DST: variants seen among roughly 807,000 people sequenced by gnomAD.
DST encodes dystonin.
In DST, 253 loss-of-function variants were observed where a neutral mutation model predicts 875.2. The ratio of observed to expected loss-of-function variants is 0.29; its 90% CI spans 0.26 to 0.32. The LOEUF (loss-of-function observed/expected upper bound fraction) is 0.32. DST is among the 10% of genes least tolerant of loss of function. The probability of loss-of-function intolerance (pLI) is 1.00; values close to 1 mark genes in which losing one functional copy is unlikely to be tolerated. For missense variants in DST, 8,287 were observed against 9,111.6 expected (o/e 0.91, Z 3.68); for synonymous variants, 3,124 against 3,197.1 (o/e 0.98, Z 0.77).
Position 56,598,629 on chromosome 6 carries a change from A to G in DST, c.11775T>C (p.Asn3925=). Residue 3925 remains asparagine, a synonymous_variant, in exon 46 of 104, where the codon AAT becomes AAC. Transcript: ENST00000680361. ...VKNTENFLKE[N]GEKLSQEDKA... ...TATCTTCCTGTGACAGCTTTTCACC[A>G]TTCTCTTTTAAGAAGTTCTCTGTGT... is the stretch of plus-strand genomic sequence containing the variant. The G allele has an allele frequency of 2.5e-6, 4 of 1,611,778 alleles. No individual in the cohort carries two copies. Among genetic ancestry groups the G allele is most frequent in the Non-Finnish European group, 3.4e-6 (4 of 1,178,762 alleles).
At position 56,674,543 on chromosome 6, in the gene DST, C is replaced by T. The variant is rs183584882; in HGVS notation, c.1048-3736G>A. On this transcript the variant is annotated intron_variant, in intron 9 of 103. Transcript: ENST00000680361. ...AACTCCTGACCTCGGGTGATTCACC[C>T]GCTTCGGCCTCCCAAACTGCTGGGA... Among the ~76,000 whole-genome samples the T allele has an allele frequency of 7.2e-5, 11 of 152,270 alleles. 1 individual carries two copies. Among genetic ancestry groups the T allele is most frequent in the Admixed American group, 6.5e-4 (10 of 15,300 alleles).
rs1428492047 is a variant in DST, at chr6:56,843,430, G to T, written c.625+7967C>A. 2.9e-6 allele frequency: 3 copies of T among 1,051,056 alleles called. No homozygotes were observed. In the African/African-American group the frequency reaches 5.0e-5, roughly 18 times the overall value. The allele number at this position is 1,051,056 out of a possible 1,614,324, so 65.1% of individuals were successfully genotyped here. A position where few individuals can be genotyped will look rare whatever the true frequency, so the allele number is the denominator to read the frequency against. On this transcript the variant is annotated intron_variant, in intron 4 of 103. Transcript: ENST00000680361. ...TTTCAGCAGCGGCAAATCTCAGCGA[G>T]CCCAGGGGCGGCGACGAGCAGCGCC...
intron 78 of DST, 93 bp downstream of exon 78, chr6:56,503,904 T>C (rs1203554894): frequency 1.2e-6 from 1 of 813,970 alleles, no homozygotes; most frequent in Non-Finnish European, 1.9e-6. Context: ...CTGTCATACT[T>C]ACATTAGGTA....
chr6:56,857,153 AG>A (rs1454890498), intron 3 of DST, among the ~76,000 whole-genome samples: 3 of 152,046 alleles, frequency 2.0e-5, no homozygotes, highest in Non-Finnish European at 4.4e-5. Flanking sequence ...CTGGGTCTAC[AG>A]GCACATGCTA....
chr6:56,633,265 C>G (rs1245675497), intron 27 of DST, among the ~76,000 whole-genome samples: 3 of 142,940 alleles, frequency 2.1e-5, no homozygotes, highest in South Asian at 4.2e-4. Flanking sequence ...CTCGCTCTGT[C>G]GCCCAGGCTG....
chr6:56,951,745 A>G (rs1366377530), intron 2 of DST, among the ~76,000 whole-genome samples: 1 of 152,146 alleles, frequency 6.6e-6, no homozygotes, highest in Non-Finnish European at 1.5e-5. Flanking sequence ...TTGCATTTAA[A>G]TTTTTCAGAA....
chr6:56,915,363 C>G (rs181122485), intron 2 of DST, among the ~76,000 whole-genome samples: 323 of 152,242 alleles, frequency 2.1e-3, no homozygotes, highest in Non-Finnish European at 3.3e-3. Flanking sequence ...AGCACCCAAA[C>G]AGCAAGATTT....
chr6:56,484,218 A>AAT (rs2095490941), intron 88 of DST: 1 of 152,188 alleles, frequency 6.6e-6, no homozygotes, highest in Admixed American at 6.5e-5. Context: ...AATGCCAGGA[A>AAT]ATAGAGAAGT....
At chr6:56,678,009 G>T (rs775181496) in intron 9 of DST, among the ~76,000 whole-genome samples, 4 of 152,206 alleles carry the variant, frequency 2.6e-5, no homozygotes, top group Non-Finnish European at 5.9e-5. Flanking sequence ...GGCGGGGCAG[G>T]TGAATTCTAA....
intron 9 of DST, among the ~76,000 whole-genome samples, chr6:56,689,773 A>G (rs1456970158): frequency 1.3e-5 from 2 of 152,192 alleles, no homozygotes; most frequent in African/African-American, 4.8e-5. Flanking sequence ...TCTTACATGT[A>G]TATGGCCAGG....
chr6:56,461,044 T>C (rs1206013416), intron 102 of DST: 2 of 152,144 alleles, frequency 1.3e-5, no homozygotes, highest in African/African-American at 2.4e-5. Flanking sequence ...TTGAGGAACA[T>C]AGGGAATGTA....
chr6:56,660,728 C>T (rs1286246125), intron 10 of DST, among the ~76,000 whole-genome samples: 1 of 149,390 alleles, frequency 6.7e-6, no homozygotes, highest in African/African-American at 2.5e-5. Context: ...TTCCCTTGTT[C>T]TCAAAACTAG....
At chr6:56,472,923 C>A (rs373309980) in intron 93 of DST, among the ~76,000 whole-genome samples, 1 of 152,132 alleles carries the variant, frequency 6.6e-6, no homozygotes, top group Admixed American at 6.5e-5. Context: ...TGGCTAAATA[C>A]GGCCTAGAAA....
Position 56,604,955 on chromosome 6 carries a change from T to C in DST, c.9673A>G (p.Thr3225Ala), listed in dbSNP as rs1201072119. Reference protein sequence around the residue: ...KEHLQLGVNNTKEKSTSTQKD... With the variant: ...KEHLQLGVNNAKEKSTSTQKD... ...TGGGTACTAGTGGACTTCTCTTTTG[T>C]ATTATTAACTCCTAATTGTAAATGT... The change falls in exon 40 of 104, where the codon ACA (threonine) becomes GCA (alanine). Residue 3225 changes from threonine (T) to alanine (A), a missense_variant. By Grantham distance (58) the Thr-to-Ala change is moderately conservative. Transcript: ENST00000680361. The C allele has an allele frequency of 6.2e-7, 1 of 1,612,656 alleles. No homozygotes were observed. The highest frequency in any genetic ancestry group is 8.5e-7 in the Non-Finnish European group (1 of 1,179,212).
At chr6:56,742,534 T>A in intron 4 of DST, 1 of 343,212 alleles carries the variant, frequency 2.9e-6, no homozygotes, top group South Asian at 2.4e-5. Flanking sequence ...TTGTAGGGGA[T>A]ATATACAACT....
At chr6:56,694,564 G>A (rs948681206) in intron 9 of DST, among the ~76,000 whole-genome samples, 2 of 151,988 alleles carry the variant, frequency 1.3e-5, no homozygotes, top group African/African-American at 2.4e-5. Flanking sequence ...GGTAATGAGT[G>A]GTACATTATT....
chr6:56,617,148 GA>G, intron 36 of DST: 1 of 1,604,746 alleles, frequency 6.2e-7, no homozygotes, highest in East Asian at 2.2e-5. Context: ...CTCATGTCCA[GA>G]AGCTTAGCTT....
intron 49 of DST, among the ~76,000 whole-genome samples, chr6:56,588,443 G>T (rs1460302115): frequency 6.6e-6 from 1 of 152,132 alleles, no homozygotes; most frequent in African/African-American, 2.4e-5. Context: ...GCTTTAGTAA[G>T]TACTCCTTAC....
At chr6:56,766,142 T>C (rs1324580105) in intron 4 of DST, among the ~76,000 whole-genome samples, 24 of 152,248 alleles carry the variant, frequency 1.6e-4, no homozygotes, top group Admixed American at 1.6e-3. Context: ...TCACATTTTG[T>C]AGAAAGCTTA....
Sources: allele counts gnomAD v4.1 joint callset (sites outside exome capture counted in the v4.1 genomes callset), GRCh38; gene constraint gnomAD v4.1.1; transcripts MANE v1.5; gene names NCBI Gene and HGNC (gene_info 2026-07-23, HGNC 2026-07-21).